Variants in GOPC observed in about 807,000 individuals in gnomAD.
GOPC encodes the protein golgi associated PDZ and coiled-coil motif containing, also known as Golgi-associated PDZ and coiled-coil motif-containing protein.
In GOPC, 32 loss-of-function variants were observed where a neutral mutation model predicts 51.2. The observed-to-expected ratio is 0.63, with a 90% CI of 0.47 to 0.84. The LOEUF is 0.84. GOPC is among the 40% of genes least tolerant of loss of function. GOPC has a pLI of 0.00. For synonymous variants in GOPC, 190 were observed against 205.1 expected, an observed-to-expected ratio of 0.93 and a Z score of 0.63; for missense variants, 441 against 555.5, an observed-to-expected ratio of 0.79 and a Z score of 2.07.
In GOPC at chr6:117,587,643, C is replaced by T. The variant is rs998160125; in HGVS notation, c.286-8579G>A. On this transcript the variant is annotated intron_variant, in intron 1 of 8. Transcript: ENST00000368498. ...TTTGATTATTACTAAAGCAGCAGGT[C>T]CCAAGGTCTATGGGACATTTTCAGG... Among the ~76,000 whole-genome samples, 18 of 152,040 alleles carry T rather than the reference C, an allele frequency of 1.2e-4. No individual in the cohort carries two copies. The East Asian group carries it at 2.7e-3, about 23-fold the overall frequency.
chr6:117,596,741 A>G (rs1780203336), intron 1 of GOPC, among the ~76,000 whole-genome samples: 1 of 152,008 alleles, frequency 6.6e-6, no homozygotes, highest in Non-Finnish European at 1.5e-5. Context: ...ATTCTGTTGC[A>G]TTTGTCTATA....
intron 1 of GOPC, among the ~76,000 whole-genome samples, chr6:117,589,618 C>A (rs1780086430): frequency 6.6e-6 from 1 of 151,590 alleles, no homozygotes. Context: ...CTGCGCCCAG[C>A]CCTAATGTTT....
intron 1 of GOPC, among the ~76,000 whole-genome samples, chr6:117,598,124 T>A (rs181624678): frequency 1.3e-4 from 19 of 150,890 alleles, no homozygotes; most frequent in Non-Finnish European, 2.7e-4. Flanking sequence ...TTCGAGAGGT[T>A]GAGGCAGGAG....
At chr6:117,577,106 A>G (rs1049858874) in intron 3 of GOPC, among the ~76,000 whole-genome samples, 1 of 152,186 alleles carries the variant, frequency 6.6e-6, no homozygotes, top group East Asian at 1.9e-4. Context: ...GGGGGTTAAA[A>G]ACTAAGCCTG....
At chr6:117,563,575 C>A (rs210636) in intron 8 of GOPC, among the ~76,000 whole-genome samples, 191 bp from the exon 9 acceptor site, 118,075 of 151,760 alleles carry the variant, frequency 0.78, 46,170 homozygotes, top group African/African-American at 0.86. Context: ...TACAAAAATT[C>A]GCCGGGCATG....
chr6:117,593,688 T>C (rs1385500281), intron 1 of GOPC, among the ~76,000 whole-genome samples: 1 of 152,208 alleles, frequency 6.6e-6, no homozygotes, highest in Non-Finnish European at 1.5e-5. Flanking sequence ...TGAATCAGTC[T>C]ATGTAAAAGA....
chr6:117,581,297 A>G (rs1340456017), intron 1 of GOPC, among the ~76,000 whole-genome samples: 5 of 152,200 alleles, frequency 3.3e-5, no homozygotes, highest in Admixed American at 6.5e-5. Context: ...CATAATATAA[A>G]TAGTGGGCTG....
At chr6:117,589,053 A>T (rs533661775) in intron 1 of GOPC, among the ~76,000 whole-genome samples, 2 of 152,328 alleles carry the variant, frequency 1.3e-5, no homozygotes, top group African/African-American at 4.8e-5. Context: ...TAAAATTAAA[A>T]AGAAAAAACA....
intron 1 of GOPC, among the ~76,000 whole-genome samples, chr6:117,598,099 C>G (rs1340272941): frequency 6.6e-6 from 1 of 151,480 alleles, no homozygotes; most frequent in African/African-American, 2.4e-5. Flanking sequence ...TGGCCCATAC[C>G]TGTAATACCA....
chr6:117,589,074 A>G (rs1486066476), intron 1 of GOPC, among the ~76,000 whole-genome samples: 1 of 152,218 alleles, frequency 6.6e-6, no homozygotes, highest in Non-Finnish European at 1.5e-5. Context: ...AATCACGCAA[A>G]AAAATCTCAT....
chr6:117,587,878 A>T (rs1583061458), intron 1 of GOPC, among the ~76,000 whole-genome samples: 2 of 150,236 alleles, frequency 1.3e-5, no homozygotes, highest in Non-Finnish European at 3.0e-5. Flanking sequence ...GTTTTGTTTT[A>T]CTTTTTTTTT....
chr6:117,593,639 A>G (rs1016368229), intron 1 of GOPC, among the ~76,000 whole-genome samples: 2 of 152,186 alleles, frequency 1.3e-5, no homozygotes, highest in East Asian at 3.9e-4. Context: ...GAGTAACTAT[A>G]CTAATAAACC....
chr6:117,592,017 CT>C (rs1780125700), intron 1 of GOPC, among the ~76,000 whole-genome samples: 1 of 152,120 alleles, frequency 6.6e-6, no homozygotes. Flanking sequence ...CCTCCTTTTC[CT>C]GTATTCCTTA....
At chr6:117,573,711 G>A in intron 4 of GOPC, 79 bp from the exon 5 acceptor site, 3 of 1,202,174 alleles carry the variant, frequency 2.5e-6, no homozygotes, top group Non-Finnish European at 3.4e-6. Context: ...GTGAACATAA[G>A]TAGCTTTTGC....
At chr6:117,596,021 T>TAA (rs777098689) in intron 1 of GOPC, among the ~76,000 whole-genome samples, 17 of 152,228 alleles carry the variant, frequency 1.1e-4, no homozygotes, top group Non-Finnish European at 5.9e-5. Flanking sequence ...ACCAACAGTG[T>TAA]AAAAGTGTTC....
chr6:117,595,029 A>C (rs1328069487), intron 1 of GOPC, among the ~76,000 whole-genome samples: 3 of 152,204 alleles, frequency 2.0e-5, no homozygotes, highest in African/African-American at 7.2e-5. Flanking sequence ...AAATGAGGAC[A>C]GCTACTCAAC....
chr6:117,584,671 A>C (rs1035580370), intron 1 of GOPC, among the ~76,000 whole-genome samples: 1 of 151,942 alleles, frequency 6.6e-6, no homozygotes, highest in Non-Finnish European at 1.5e-5. Flanking sequence ...AGGCTTCACT[A>C]CACAGGTGAT....
rs921201064 is a variant in GOPC, at chr6:117,560,673, C to G, written c.*2581G>C. 1 of 196,640 alleles carries G rather than the reference C, an allele frequency of 5.1e-6. No individual in the cohort carries two copies. The highest frequency in any genetic ancestry group is 2.3e-5 in the African/African-American group (1 of 43,402). The allele number at this position is 196,640 out of a possible 1,614,324, so 12.2% of individuals were successfully genotyped here. On this transcript the variant is annotated 3_prime_UTR_variant, in exon 9 of 9. Transcript: ENST00000368498. ...TTTATTTTAACAATAGTCTCACCAC[C>G]AAAATGTTGCTTTTCCATCATATTC... is the stretch of plus-strand genomic sequence containing the variant.
chr6:117,587,735 A>G (rs961218796), intron 1 of GOPC, among the ~76,000 whole-genome samples: 1 of 152,184 alleles, frequency 6.6e-6, no homozygotes, highest in Non-Finnish European at 1.5e-5. Context: ...CTATGTTGAC[A>G]TACTGAAGGT....
Sources: gnomAD v4.1 joint callset for allele counts (sites outside exome capture counted in the v4.1 genomes callset) on GRCh38, gnomAD v4.1.1 for gene constraint, MANE v1.5 for transcripts, NCBI Gene and HGNC (gene_info 2026-07-23, HGNC 2026-07-21) for gene names.